The following GALNT17 variants were observed in gnomAD, a reference collection of about 807,000 sequenced individuals.
GALNT17 encodes UDP-GalNAc:polypeptide N-acetylgalactosaminyltransferase-like 3.
Under a neutral mutation model 63.7 loss-of-function variants are expected in GALNT17, and 29 were observed. The observed-to-expected ratio is 0.46, with a 90% CI of 0.34 to 0.62. GALNT17 has a LOEUF of 0.62. Among genes scored for constraint, GALNT17 ranks in the 20% least tolerant of loss-of-function variants. GALNT17 has a pLI of 0.01. For missense variants in GALNT17, 603 were observed against 799.6 expected, an observed-to-expected ratio of 0.75 and a Z score of 2.97; for synonymous variants, 305 against 318.3, an observed-to-expected ratio of 0.96 and a Z score of 0.45.
At chr7:71,238,999 C>T (rs145896147) in intron 1 of GALNT17, among the ~76,000 whole-genome samples, 4 of 152,240 alleles carry the variant, frequency 2.6e-5, no homozygotes, top group African/African-American at 4.8e-5. Flanking sequence ...TGTCAGCAAC[C>T]GTGTGAGTGA....
chr7:71,623,360 G>A (rs184128639), intron 6 of GALNT17, among the ~76,000 whole-genome samples: 240 of 150,294 alleles, frequency 1.6e-3, no homozygotes, highest in Admixed American at 7.8e-3. Flanking sequence ...GGAAGCCTTC[G>A]TACGTGTAAG....
intron 6 of GALNT17, among the ~76,000 whole-genome samples, chr7:71,576,551 G>GTGTA (rs1232639571): frequency 3.3e-5 from 5 of 151,588 alleles, no homozygotes; most frequent in Non-Finnish European, 5.9e-5. Flanking sequence ...GTGTGTGTGT[G>GTGTA]TGTGTGTGTG....
intron 6 of GALNT17, among the ~76,000 whole-genome samples, chr7:71,659,861 T>G (rs1362234339): frequency 6.6e-6 from 1 of 152,188 alleles, no homozygotes; most frequent in Admixed American, 6.5e-5. Flanking sequence ...CTTCCTCTAC[T>G]CAGCTCAGCC....
At chr7:71,226,031 T>C (rs570623718) in intron 1 of GALNT17, among the ~76,000 whole-genome samples, 61 of 152,352 alleles carry the variant, frequency 4.0e-4, no homozygotes, top group African/African-American at 1.3e-3. Context: ...TTAGAGGATA[T>C]ATCATTTTGA....
chr7:71,190,642 A>T (rs930830578), intron 1 of GALNT17, among the ~76,000 whole-genome samples: 2 of 151,926 alleles, frequency 1.3e-5, no homozygotes, highest in Admixed American at 6.6e-5. Context: ...AAAATTAAAA[A>T]ATTTTTTGAG....
At chr7:71,373,810 C>T (rs1043910736) in intron 2 of GALNT17, among the ~76,000 whole-genome samples, 2 of 152,164 alleles carry the variant, frequency 1.3e-5, no homozygotes, top group Admixed American at 1.3e-4. Context: ...AAACCGGTCC[C>T]TGCTGCCAAA....
At chr7:71,566,119 C>A (rs953247314) in intron 5 of GALNT17, among the ~76,000 whole-genome samples, 1 of 152,024 alleles carries the variant, frequency 6.6e-6, no homozygotes, top group Non-Finnish European at 1.5e-5. Flanking sequence ...AAGTGATCTG[C>A]CCACCTTGGC....
intron 6 of GALNT17, among the ~76,000 whole-genome samples, chr7:71,598,588 A>G (rs1789921549): frequency 6.6e-6 from 1 of 152,186 alleles, no homozygotes; most frequent in South Asian, 2.1e-4. Flanking sequence ...AGAAAGACCT[A>G]GGAGATCCAT....
chr7:71,221,217 A>C (rs1176231137), intron 1 of GALNT17, among the ~76,000 whole-genome samples: 1 of 152,116 alleles, frequency 6.6e-6, no homozygotes, highest in Non-Finnish European at 1.5e-5. Context: ...ATGGAGGACT[A>C]AGGGGAGAGC....
At chr7:71,145,880 A>G (rs1321876889) in intron 1 of GALNT17, among the ~76,000 whole-genome samples, 1 of 151,856 alleles carries the variant, frequency 6.6e-6, no homozygotes, top group East Asian at 1.9e-4. Flanking sequence ...TAATTTTTGT[A>G]TTTTTAGTAG....
At chr7:71,687,945 C>G (rs1269568844) in intron 9 of GALNT17, among the ~76,000 whole-genome samples, 2 of 152,062 alleles carry the variant, frequency 1.3e-5, no homozygotes, top group Admixed American at 1.3e-4. Context: ...TGATTCTCCC[C>G]CCTCAGCCTC....
chr7:71,437,921 C>T (rs1353452658), intron 5 of GALNT17, among the ~76,000 whole-genome samples: 3 of 152,050 alleles, frequency 2.0e-5, no homozygotes, highest in African/African-American at 7.2e-5. Context: ...CTATGTTGTC[C>T]AGGCTGGTCT....
At chr7:71,456,524 TG>T (rs1213198535) in intron 5 of GALNT17, among the ~76,000 whole-genome samples, 2 of 152,104 alleles carry the variant, frequency 1.3e-5, no homozygotes, top group Non-Finnish European at 2.9e-5. Flanking sequence ...AAGACCAGCC[TG>T]GCCAACATAG....
chr7:71,446,426 T>G (rs1225835474), intron 5 of GALNT17, among the ~76,000 whole-genome samples: 1 of 152,212 alleles, frequency 6.6e-6, no homozygotes, highest in Non-Finnish European at 1.5e-5. Context: ...TTCACATTAT[T>G]TTTTACTCCT....
intron 9 of GALNT17, among the ~76,000 whole-genome samples, chr7:71,686,057 C>T (rs1457373663): frequency 2.0e-5 from 3 of 147,532 alleles, no homozygotes; most frequent in Admixed American, 1.4e-4. Flanking sequence ...TGCGTTCAAG[C>T]GATTCTCCTG....
At chr7:71,575,556 G>T (rs4530921) in intron 6 of GALNT17, among the ~76,000 whole-genome samples, 152,152 of 152,180 alleles carry the variant, frequency 1, 76,062 homozygotes, top group Non-Finnish European at 1. Context: ...ACCCGGCTAA[G>T]TTTTTGTACT....
chr7:71,421,951 GA>G (rs79689052), intron 5 of GALNT17, among the ~76,000 whole-genome samples: 1,370 of 87,398 alleles, frequency 0.016, 3 homozygotes, highest in Admixed American at 0.021. Flanking sequence ...ACTCTGTCTC[GA>G]AAAAAAAAAA....
chr7:71,373,381 G>A (rs1792662529), intron 2 of GALNT17, among the ~76,000 whole-genome samples: 1 of 151,864 alleles, frequency 6.6e-6, no homozygotes, highest in Non-Finnish European at 1.5e-5. Context: ...AGGGAGGCAG[G>A]GAGGTTGGGG....
At chr7:71,313,832 G>C (rs557477172) in intron 1 of GALNT17, among the ~76,000 whole-genome samples, 21 of 152,184 alleles carry the variant, frequency 1.4e-4, no homozygotes, top group Middle Eastern at 3.4e-3. Flanking sequence ...CTATTTCGGT[G>C]GTTGCAGAGC....
Sources: gnomAD v4.1 joint callset for allele counts (sites outside exome capture counted in the v4.1 genomes callset) on GRCh38, gnomAD v4.1.1 for gene constraint, MANE v1.5 for transcripts, NCBI Gene and HGNC (gene_info 2026-07-23, HGNC 2026-07-21) for gene names.